Variants in ARSH observed in about 807,000 individuals in gnomAD.
ARSH encodes the protein arylsulfatase H.
A neutral mutation model predicts 28.7 loss-of-function variants in ARSH; 32 were observed. The ratio of observed to expected loss-of-function variants is 1.11; its 90% CI spans 0.84 to 1.50. The LOEUF is 1.50. Among genes scored for constraint, ARSH ranks in the 40% most tolerant of loss-of-function variants. ARSH has a pLI of 0.00. For synonymous variants in ARSH, 176 were observed against 177.3 expected (o/e 0.99, Z 0.06); for missense variants, 440 against 452.4 (o/e 0.97, Z 0.25).
Position 3,006,607 on chromosome X carries a change from AC to A in ARSH, c.-5del. ...CTGTTTGTTTTGCGGTGTTGATGGC[AC>A]ATTTATGACAAGAAACGCCAGACCC... On this transcript the variant is annotated 5_prime_UTR_variant, in exon 1 of 9. Transcript: ENST00000381130. The A allele has an allele frequency of 8.3e-7, 1 of 1,208,591 alleles. No individual in the cohort carries two copies. Among genetic ancestry groups the A allele is most frequent in the Non-Finnish European group, 1.1e-6 (1 of 893,019 alleles).
At chrX:3,008,217 G>C (rs2089834433) in intron 1 of ARSH, among the ~76,000 whole-genome samples, 2 of 111,902 alleles carry the variant, frequency 1.8e-5, no homozygotes, top group Admixed American at 9.5e-5. Context: ...CACCACATTA[G>C]TCTACAGTTT....
intron 8 of ARSH, among the ~76,000 whole-genome samples, chrX:3,031,204 G>A (rs1053990352): frequency 3.6e-5 from 4 of 111,142 alleles, no homozygotes; most frequent in Admixed American, 2.9e-4. Flanking sequence ...GTGTGTGTAA[G>A]TATGCATTAG....
At chrX:3,012,057 G>A (rs1379340251) in intron 2 of ARSH, among the ~76,000 whole-genome samples, 1 of 111,415 alleles carries the variant, frequency 9.0e-6, no homozygotes, top group Non-Finnish European at 1.9e-5. Flanking sequence ...TAGCCAGGCC[G>A]GTCTCCTGAT....
In ARSH at chrX:3,012,849, G is replaced by T. The variant is rs6642088; in HGVS notation, c.215-198G>T. On this transcript the variant is annotated intron_variant, in intron 2 of 8. Transcript: ENST00000381130. ...AACTAAGTGTCCCGTATTTATTCTG[G>T]CAACCCTAATTCCAAGGGAATGTTT... Among the ~76,000 whole-genome samples the T allele has an allele frequency of 5.6e-5, 6 of 108,069 alleles. No homozygotes were observed. In the East Asian group the frequency reaches 1.8e-3, roughly 32 times the overall value. 93.8% of individuals were successfully genotyped at this position (108,069 alleles called of 115,157 possible).
intron 5 of ARSH, 33 bp downstream of exon 5, chrX:3,018,703 G>C: frequency 1.7e-6 from 2 of 1,199,656 alleles, no homozygotes; most frequent in Non-Finnish European, 2.3e-6. Context: ...GTAAATATCT[G>C]AAGTACGGGC....
intron 1 of ARSH, among the ~76,000 whole-genome samples, chrX:3,008,219 C>T (rs1013221521): frequency 2.7e-5 from 3 of 112,102 alleles, no homozygotes; most frequent in African/African-American, 9.7e-5. Flanking sequence ...CCACATTAGT[C>T]TACAGTTTTA....
At chrX:3,029,933 T>C (rs2089909405) in intron 8 of ARSH, among the ~76,000 whole-genome samples, 1 of 111,364 alleles carries the variant, frequency 9.0e-6, no homozygotes, top group Admixed American at 9.6e-5. Context: ...AAGATCTTAC[T>C]ATGTGGCCCA....
Position 3,015,098 on chromosome X carries a change from C to A in ARSH, c.469C>A (p.Pro157Thr). ...LLSDCQASKT[P>T]ELHRWLRIKL... ...AAGCGACTGCCAGGCATCCAAGACA[C>A]CAGAACTGCACCGCTGGCTCAGGAT... is the stretch of plus-strand genomic sequence containing the variant. Residue 157 changes from proline to threonine, a missense_variant, in exon 4 of 9, where the codon CCA (proline) becomes ACA (threonine). By Grantham distance (38) the Pro-to-Thr change is conservative (BLOSUM62 -1). Coordinates refer to ENST00000381130, the MANE Select transcript of ARSH (RefSeq NM_001011719.2). The A allele has an allele frequency of 8.3e-7, 1 of 1,210,590 alleles. No individual in the cohort carries two copies. Among genetic ancestry groups the A allele is most frequent in the Admixed American group, 2.2e-5 (1 of 45,897 alleles).
At position 3,033,959 on chromosome X, in the gene ARSH, A is replaced by G. The variant is rs1404701520; in HGVS notation, c.*574A>G. ...GACTTTGCTTCCTCGTAGCTATATCATCGTGGAAATGTCTCTGTGATTTGG... is the reference window on the plus strand; with the variant it reads ...GACTTTGCTTCCTCGTAGCTATATCGTCGTGGAAATGTCTCTGTGATTTGG... On this transcript the variant is annotated 3_prime_UTR_variant, in exon 9 of 9. Transcript: ENST00000381130. Among the ~76,000 whole-genome samples the G allele has an allele frequency of 8.9e-6, 1 of 111,743 alleles. No individual in the cohort carries two copies. Among genetic ancestry groups the G allele is most frequent in the Non-Finnish European group, 1.9e-5 (1 of 53,278 alleles).
intron 7 of ARSH, 108 bp from the exon 8 acceptor site, chrX:3,029,139 C>G: frequency 2.3e-6 from 2 of 860,666 alleles, no homozygotes; most frequent in South Asian, 3.3e-5. Context: ...TTCTCTTCCT[C>G]CCCTTCCTTT....
intron 1 of ARSH, 148 bp downstream of exon 1, chrX:3,006,852 G>C (rs2089829059): frequency 3.4e-5 from 15 of 443,872 alleles, no homozygotes; most frequent in Non-Finnish European, 5.5e-5. Context: ...GGGGAAAATT[G>C]CAAAATGTCA....
intron 6 of ARSH, among the ~76,000 whole-genome samples, 156 bp from the exon 7 acceptor site, chrX:3,027,157 A>T (rs2089900978): frequency 9.0e-6 from 1 of 111,505 alleles, no homozygotes; most frequent in African/African-American, 3.3e-5. Context: ...ACGGGGTTTC[A>T]CCATGTTGGC....
At chrX:3,030,766 G>A (rs2089911743) in intron 8 of ARSH, among the ~76,000 whole-genome samples, 1 of 111,381 alleles carries the variant, frequency 9.0e-6, no homozygotes, top group Non-Finnish European at 1.9e-5. Context: ...AGATTAGGGT[G>A]GGGACAGAGC....
chrX:3,031,059 G>T (rs1207194512), intron 8 of ARSH, among the ~76,000 whole-genome samples: 1 of 110,307 alleles, frequency 9.1e-6, no homozygotes, highest in Non-Finnish European at 1.9e-5. Flanking sequence ...GGCTGAGTGG[G>T]AAGTTTGAGG....
chrX:3,024,736 G>T (rs762544817), intron 6 of ARSH, among the ~76,000 whole-genome samples: 1 of 110,987 alleles, frequency 9.0e-6, no homozygotes, highest in South Asian at 3.8e-4. Flanking sequence ...CATTTGACTG[G>T]GGTGCCTAGC....
chrX:3,016,387 A>AC (rs1010964451), intron 4 of ARSH, among the ~76,000 whole-genome samples: 4 of 110,173 alleles, frequency 3.6e-5, no homozygotes, highest in African/African-American at 1.3e-4. Flanking sequence ...AATTGATTAA[A>AC]CCTGGGGGGT....
Position 3,018,635 on chromosome X carries a change from AT to A in ARSH, c.867del (p.Tyr289Ter). The A allele has an allele frequency of 1.7e-6, 2 of 1,210,457 alleles. No individual in the cohort carries two copies. Among genetic ancestry groups the A allele is most frequent in the Non-Finnish European group, 2.2e-6 (2 of 894,811 alleles). On this transcript the variant is annotated frameshift_variant, in exon 5 of 9. Transcript: ENST00000381130. LOFTEE classifies it high-confidence loss of function. ...KFVGRSKYGR[Y>X]GDNVEEMDWM... ...GTTGGGCGCAGTAAATATGGCAGGT[AT>A]GGGGACAATGTAGAAGAAATGGATT... is the stretch of plus-strand genomic sequence containing the variant.
intron 7 of ARSH, 25 bp downstream of exon 7, chrX:3,027,500 A>T (rs2089902401): frequency 8.4e-7 from 1 of 1,185,017 alleles, no homozygotes; most frequent in African/African-American, 1.8e-5. Flanking sequence ...TTTGCTCCTA[A>T]CCTAGGGTGA....
chrX:3,012,333 T>C (rs1303201110), intron 2 of ARSH, among the ~76,000 whole-genome samples: 2 of 102,494 alleles, frequency 2.0e-5, no homozygotes, highest in Non-Finnish European at 3.9e-5. Context: ...AGGTCAGGAG[T>C]TAGAGACCAG....
Sources: gnomAD v4.1 joint callset for allele counts (sites outside exome capture counted in the v4.1 genomes callset) on GRCh38, gnomAD v4.1.1 for gene constraint, MANE v1.5 for transcripts, NCBI Gene and HGNC (gene_info 2026-07-23, HGNC 2026-07-21) for gene names.